Variants in CWH43 observed in about 807,000 individuals in gnomAD.
The protein encoded by CWH43 is PGAP2-interacting protein.
CWH43 carries 91 observed loss-of-function variants against 85.7 expected under a neutral mutation model. The observed-to-expected ratio is 1.06, with a 90% CI of 0.90 to 1.26. CWH43 has a LOEUF of 1.26. CWH43 is among the 50% of genes most tolerant of loss of function. The pLI is 0.00. For synonymous variants in CWH43, 323 were observed against 293.6 expected (o/e 1.10, Z -1.02); for missense variants, 869 against 839.2 (o/e 1.04, Z -0.44).
intron 10 of CWH43, 94 bp from the exon 11 acceptor site, chr4:49,030,731 A>T: frequency 8.1e-7 from 1 of 1,228,886 alleles, no homozygotes; most frequent in Non-Finnish European, 1.1e-6. Flanking sequence ...ATCAGTAAAG[A>T]AAAAAAGGTT....
intron 2 of CWH43, 55 bp from the exon 3 acceptor site, chr4:48,991,399 G>T: frequency 6.2e-7 from 1 of 1,602,374 alleles, no homozygotes; most frequent in East Asian, 2.2e-5. Flanking sequence ...TGCAGATCAC[G>T]GAGTTCCAAT....
At chr4:49,039,547 A>C (rs995812355) in intron 13 of CWH43, among the ~76,000 whole-genome samples, 56 of 148,608 alleles carry the variant, frequency 3.8e-4, no homozygotes, top group South Asian at 2.1e-4. Flanking sequence ...TCCATTTTCA[A>C]CTTCATGTCT....
chr4:49,055,010 C>T (rs1784909696), intron 15 of CWH43, among the ~76,000 whole-genome samples: 1 of 151,756 alleles, frequency 6.6e-6, no homozygotes, highest in South Asian at 2.1e-4. Flanking sequence ...CTTTTACTTG[C>T]TTAATTGCTC....
At chr4:49,035,344 T>C (rs1784234531) in intron 12 of CWH43, among the ~76,000 whole-genome samples, 1 of 152,178 alleles carries the variant, frequency 6.6e-6, no homozygotes, top group South Asian at 2.1e-4. Flanking sequence ...AACCACTAAA[T>C]AGGAAATAGC....
chr4:49,060,481 G>A (rs1160245078), intron 15 of CWH43, among the ~76,000 whole-genome samples: 1 of 152,060 alleles, frequency 6.6e-6, no homozygotes, highest in African/African-American at 2.4e-5. Flanking sequence ...CTTGGTCTGT[G>A]GGTGCCAGCC....
In CWH43 at chr4:49,032,632, C is replaced by T. The variant is rs1224066153; in HGVS notation, c.1575C>T (p.Gly525=). 6 of 1,613,882 alleles carry T rather than the reference C, an allele frequency of 3.7e-6. No individual in the cohort carries two copies. Among genetic ancestry groups the T allele is most frequent in the Admixed American group, 1.7e-5 (1 of 59,970 alleles). ...ATCACCTTCTTCCGTCACCAGAGGG[C>T]GAGATCGCACCAGCCATCACATTGA... is the stretch of plus-strand genomic sequence containing the variant. ...SEHHLLPSPE[G]EIAPAITLTV... is the part of the protein sequence containing the mutation. Residue 525 remains glycine, a synonymous_variant, in exon 12 of 16, where the codon GGC becomes GGT. Coordinates refer to ENST00000226432, the MANE Select transcript of CWH43 (RefSeq NM_025087.3).
At position 49,031,110 on chromosome 4, in the gene CWH43, T is replaced by C. The variant is rs1321994990; in HGVS notation, c.1508+150T>C. 7.3e-6 allele frequency: 5 copies of C among 680,730 alleles called. No homozygotes were observed. In the East Asian group the frequency reaches 1.5e-4, roughly 20 times the overall value. 42.2% of individuals were successfully genotyped at this position (680,730 alleles called of 1,614,324 possible). A position where few individuals can be genotyped will look rare whatever the true frequency, so the allele number is the denominator to read the frequency against. Reference sequence around the variant, plus strand: ...TGAGGAGGTGCTGGAGATATGCACATTCTGTAATTTTTCAAATGGTTTTTC... The same window carrying C: ...TGAGGAGGTGCTGGAGATATGCACACTCTGTAATTTTTCAAATGGTTTTTC... On this transcript the variant is annotated intron_variant, in intron 11 of 15. Coordinates refer to ENST00000226432, the MANE Select transcript of CWH43 (RefSeq NM_025087.3).
chr4:49,038,636 T>G (rs1198448648), intron 13 of CWH43, among the ~76,000 whole-genome samples: 1 of 152,228 alleles, frequency 6.6e-6, no homozygotes, highest in Admixed American at 6.5e-5. Context: ...TTACTTCCAC[T>G]GTCATCACAA....
chr4:49,003,078 T>G (rs572321581), intron 6 of CWH43, among the ~76,000 whole-genome samples: 57 of 152,340 alleles, frequency 3.7e-4, no homozygotes, highest in African/African-American at 1.3e-3. Flanking sequence ...AAAGGTTATG[T>G]GATCTCAGCA....
chr4:49,010,245 T>C (rs547662491), intron 8 of CWH43, among the ~76,000 whole-genome samples: 1 of 152,310 alleles, frequency 6.6e-6, no homozygotes, highest in African/African-American at 2.4e-5. Flanking sequence ...GTCTTCTAGA[T>C]TTTCTAGTTT....
chr4:48,986,879 G>T, intron 1 of CWH43: 1 of 913,194 alleles, frequency 1.1e-6, no homozygotes, highest in Non-Finnish European at 1.3e-6. Flanking sequence ...AGGGGCACCC[G>T]TTTTCCCCAG....
chr4:49,032,417 C>A, intron 11 of CWH43, 149 bp from the exon 12 acceptor site: 1 of 782,506 alleles, frequency 1.3e-6, no homozygotes. Context: ...AAATGGACTG[C>A]CATATAAGTC....
intron 2 of CWH43, among the ~76,000 whole-genome samples, chr4:48,990,208 T>C (rs1782616894): frequency 6.6e-6 from 1 of 152,196 alleles, no homozygotes; most frequent in East Asian, 1.9e-4. Context: ...ATGCTTCCTA[T>C]TCCCTTTTCA....
intron 3 of CWH43, 114 bp from the exon 4 acceptor site, chr4:48,991,822 G>A: frequency 1.0e-6 from 1 of 994,890 alleles, no homozygotes; most frequent in African/African-American, 1.6e-5. Context: ...ATTCATTATT[G>A]CAAATTACCA....
intron 10 of CWH43, among the ~76,000 whole-genome samples, chr4:49,030,027 AT>A (rs994002251): frequency 4.6e-5 from 7 of 151,782 alleles, no homozygotes; most frequent in Non-Finnish European, 8.8e-5. Flanking sequence ...TCTGTGTCTC[AT>A]TTTTTTTCTC....
chr4:48,988,429 C>T (rs1222781054), intron 1 of CWH43, 48 bp from the exon 2 acceptor site: 2 of 1,435,812 alleles, frequency 1.4e-6, no homozygotes, highest in African/African-American at 1.4e-5. Context: ...TCGTTAGAAA[C>T]AATGTTGAAG....
chr4:49,000,334 C>T (rs1782952476), intron 6 of CWH43, among the ~76,000 whole-genome samples: 1 of 152,172 alleles, frequency 6.6e-6, no homozygotes. Context: ...CCTCTTCCTC[C>T]TGGAGCTATG....
At chr4:49,020,164 C>T (rs1193094671) in intron 9 of CWH43, among the ~76,000 whole-genome samples, 1 of 152,000 alleles carries the variant, frequency 6.6e-6, no homozygotes. Flanking sequence ...TCCCTCCCAC[C>T]CTTTAATAAG....
At chr4:49,014,161 G>A (rs891678236) in intron 8 of CWH43, among the ~76,000 whole-genome samples, 2 of 152,150 alleles carry the variant, frequency 1.3e-5, no homozygotes, top group African/African-American at 2.4e-5. Flanking sequence ...TAATTTAAAA[G>A]ATTATATTTG....
Sources: gnomAD v4.1 joint callset for allele counts (sites outside exome capture counted in the v4.1 genomes callset) on GRCh38, gnomAD v4.1.1 for gene constraint, MANE v1.5 for transcripts, NCBI Gene and HGNC (gene_info 2026-07-23, HGNC 2026-07-21) for gene names.